Variants in NBAS observed in about 807,000 individuals in gnomAD.
NBAS encodes the protein NBAS subunit of NRZ tethering complex.
Under a neutral mutation model 302.5 loss-of-function variants are expected in NBAS, and 219 were observed. The observed-to-expected ratio is 0.72, with a 90% CI of 0.65 to 0.81. The LOEUF (loss-of-function observed/expected upper bound fraction) is 0.81. Ranked by LOEUF, NBAS falls within the 30% of genes least tolerant of loss-of-function variation. The pLI, the probability that NBAS is intolerant of heterozygous loss-of-function variation, is 0.00. For synonymous variants in NBAS, 1,118 were observed against 1,021.6 expected, an observed-to-expected ratio of 1.09 and a Z score of -1.80; for missense variants, 2,932 against 2,841.6, an observed-to-expected ratio of 1.03 and a Z score of -0.72.
At chr2:14,788,429 GT>G in the NBAS span, among the ~76,000 whole-genome samples, 1 of 152,084 alleles carries the variant, frequency 6.6e-6, no homozygotes, top group South Asian at 2.1e-4. Flanking sequence ...TTTCTGCTCT[GT>G]TTTTTCCCCA....
At chr2:15,386,333 G>T (rs186972263) in intron 28 of NBAS, among the ~76,000 whole-genome samples, 1 of 152,100 alleles carries the variant, frequency 6.6e-6, no homozygotes. Context: ...AAGATAGGAA[G>T]GAATATACAA....
Position 15,285,065 on chromosome 2 carries a change from G to T in NBAS, c.5138+2008C>A, listed in dbSNP as rs531562825. On this transcript the variant is annotated intron_variant, in intron 42 of 51. Transcript: ENST00000281513. ...AAAGAAAAAAGATATTTAATAAAAT[G>T]CCAGGATATTTTTAAATGCCAGTGT... Among the ~76,000 whole-genome samples, 15 of 152,222 alleles carry T rather than the reference G, an allele frequency of 9.9e-5. No homozygotes were observed. The East Asian group carries it at 1.5e-3, about 16-fold the overall frequency.
chr2:15,342,556 T>C (rs988231497), intron 35 of NBAS, among the ~76,000 whole-genome samples: 8 of 152,006 alleles, frequency 5.3e-5, no homozygotes, highest in African/African-American at 1.9e-4. Flanking sequence ...CTTAGGAATA[T>C]GGAAGGAAAC....
chr2:15,314,284 A>G (rs1446946601), intron 38 of NBAS, among the ~76,000 whole-genome samples: 1 of 152,162 alleles, frequency 6.6e-6, no homozygotes, highest in Admixed American at 6.5e-5. Context: ...TGAACCTGGG[A>G]GGCAGAGACT....
Position 15,417,608 on chromosome 2 carries a change from T to G in NBAS, c.2682A>C (p.Glu894Asp), listed in dbSNP as rs1475160706. Residue 894 changes from glutamate to aspartate, a missense_variant, in exon 24 of 52, where the codon GAA becomes GAC. Transcript: ENST00000281513. ...GGGTTAGAGTTACATCACACCTGGC[T>G]TCATAAACCAATGTTTCCAGAGTAA... ...NLVTLETLVY[E>D]ARCDVTLTLK... 6.2e-7 allele frequency: 1 copy of G among 1,614,030 alleles called. No homozygotes were observed. The highest frequency in any genetic ancestry group is 8.5e-7 in the Non-Finnish European group (1 of 1,179,958).
chr2:15,439,540 C>T (rs1399015151), intron 21 of NBAS, among the ~76,000 whole-genome samples: 1 of 151,962 alleles, frequency 6.6e-6, no homozygotes, highest in Non-Finnish European at 1.5e-5. Flanking sequence ...TGGTTGCAAA[C>T]AGCAACAGCT....
the NBAS span, among the ~76,000 whole-genome samples, chr2:15,103,226 T>C: frequency 2.3e-4 from 35 of 152,262 alleles, no homozygotes; most frequent in Non-Finnish European, 1.3e-4. Context: ...ATGTCCTTCC[T>C]ATACTTCCCC....
chr2:15,556,101 A>G (rs1298095082), intron 3 of NBAS, among the ~76,000 whole-genome samples: 1 of 152,176 alleles, frequency 6.6e-6, no homozygotes, highest in Non-Finnish European at 1.5e-5. Flanking sequence ...ATGCACATAC[A>G]CACACACATA....
chr2:15,399,889 C>T (rs1215293486), intron 26 of NBAS, among the ~76,000 whole-genome samples: 2 of 152,066 alleles, frequency 1.3e-5, no homozygotes, highest in East Asian at 1.9e-4. Context: ...AAGAGTCATA[C>T]CTTCAAAATT....
At chr2:15,471,157 T>C (rs1193481954) in intron 16 of NBAS, among the ~76,000 whole-genome samples, 1 of 152,194 alleles carries the variant, frequency 6.6e-6, no homozygotes, top group African/African-American at 2.4e-5. Flanking sequence ...AGACAAAAAC[T>C]GTCCTTTACT....
At chr2:15,011,532 G>A in the NBAS span, among the ~76,000 whole-genome samples, 2 of 152,080 alleles carry the variant, frequency 1.3e-5, no homozygotes, top group African/African-American at 4.8e-5. Context: ...AAGCAGCTGT[G>A]CACCCATATC....
the NBAS span, among the ~76,000 whole-genome samples, chr2:14,943,424 T>G: frequency 6.6e-6 from 1 of 152,254 alleles, no homozygotes; most frequent in South Asian, 2.1e-4. Context: ...GCGTATCTGC[T>G]GTAAAATTGC....
rs1365494933 is a variant in NBAS at position 15,353,688 on chromosome 2, A to G, written c.3954T>C (p.Val1318=). The change falls in exon 34 of 52, where the codon GTT becomes GTC. Residue 1318 remains valine, a synonymous_variant. Coordinates refer to ENST00000281513, the MANE Select transcript of NBAS (RefSeq NM_015909.4). The part of the protein sequence containing the change: ...MATGYPKSWD[V]CSQLGQSEGY... ...CTTCTGATTGTCCTAACTGGCTACAAACATCCCAACTTTTAGGATAACCTG... is the reference window on the plus strand; with the variant it reads ...CTTCTGATTGTCCTAACTGGCTACAGACATCCCAACTTTTAGGATAACCTG... 6.2e-7 allele frequency: 1 copy of G among 1,614,072 alleles called. No homozygotes were observed. Among genetic ancestry groups the G allele is most frequent in the East Asian group, 2.2e-5 (1 of 44,870 alleles).
chr2:15,463,624 C>G (rs747364080), intron 19 of NBAS, among the ~76,000 whole-genome samples: 2 of 151,890 alleles, frequency 1.3e-5, no homozygotes, highest in Admixed American at 6.6e-5. Flanking sequence ...TTCCCTTTAT[C>G]GCACTCATCC....
the NBAS span, among the ~76,000 whole-genome samples, chr2:14,952,860 A>G: frequency 6.6e-6 from 1 of 152,216 alleles, no homozygotes; most frequent in African/African-American, 2.4e-5. Context: ...TAAGAGAGTA[A>G]AACAGTCAAG....
chr2:15,480,144 T>A (rs933203338), intron 12 of NBAS, among the ~76,000 whole-genome samples: 9 of 152,048 alleles, frequency 5.9e-5, no homozygotes, highest in African/African-American at 2.2e-4. Flanking sequence ...AGTTTGAGAC[T>A]AGCTGGGTGA....
At chr2:15,237,543 G>A (rs900886957) in intron 45 of NBAS, among the ~76,000 whole-genome samples, 3 of 150,862 alleles carry the variant, frequency 2.0e-5, no homozygotes, top group South Asian at 2.1e-4. Flanking sequence ...AAAATTAGGA[G>A]GGAAAAGAAA....
chr2:15,339,970 A>T (rs931078170), intron 35 of NBAS, among the ~76,000 whole-genome samples: 1 of 152,150 alleles, frequency 6.6e-6, no homozygotes, highest in Admixed American at 6.5e-5. Flanking sequence ...AGCAAAATGA[A>T]TGTGTATATT....
chr2:15,444,477 T>C (rs1469918735), intron 21 of NBAS, among the ~76,000 whole-genome samples: 1 of 152,010 alleles, frequency 6.6e-6, no homozygotes, highest in Non-Finnish European at 1.5e-5. Flanking sequence ...CTGGATCCCT[T>C]CCTTACACCT....
Sources: gnomAD v4.1 joint callset for allele counts (sites outside exome capture counted in the v4.1 genomes callset) on GRCh38, gnomAD v4.1.1 for gene constraint, MANE v1.5 for transcripts, NCBI Gene and HGNC (gene_info 2026-07-23, HGNC 2026-07-21) for gene names.